FAAP100: variants seen among roughly 807,000 people sequenced by gnomAD.
FAAP100 encodes Fanconi anemia core complex-associated protein 100.
FAAP100 carries 46 observed loss-of-function variants against 65.8 expected under a neutral mutation model. That is an observed-to-expected ratio of 0.70 (90% CI 0.55 to 0.89). The LOEUF is 0.89. Ranked by LOEUF, FAAP100 falls within the 40% of genes least tolerant of loss-of-function variation. The pLI is 0.00. For synonymous variants in FAAP100, 663 were observed against 555.1 expected (o/e 1.19, Z -2.73); for missense variants, 1,165 against 1,196.7 (o/e 0.97, Z 0.39).
At chr17:81,541,707 G>C (rs1306798496) in intron 7 of FAAP100, among the ~76,000 whole-genome samples, 1 of 152,134 alleles carries the variant, frequency 6.6e-6, no homozygotes, top group African/African-American at 2.4e-5. Context: ...CCTGCCTACC[G>C]CCCCCTTCTC....
At chr17:81,551,761 A>G (rs2033503889) in intron 2 of FAAP100, 167 bp downstream of exon 2, 21 of 1,365,588 alleles carry the variant, frequency 1.5e-5, no homozygotes, top group Non-Finnish European at 2.0e-5. Context: ...ACTTGCAGAA[A>G]GAGTGCTGGG....
chr17:81,542,895 G>A (rs1301381681), intron 7 of FAAP100, among the ~76,000 whole-genome samples: 1 of 152,246 alleles, frequency 6.6e-6, no homozygotes, highest in East Asian at 1.9e-4. Flanking sequence ...AGTGGGCAGA[G>A]TTTCCTCTGA....
chr17:81,540,599 G>A lies in FAAP100; in HGVS notation c.*220C>T, dbSNP rs2033051723. The A allele has an allele frequency of 1.8e-6, 1 of 568,994 alleles. No individual in the cohort carries two copies. The highest frequency in any genetic ancestry group is 2.8e-6 in the Non-Finnish European group (1 of 353,642). The allele number at this position is 568,994 out of a possible 1,614,324, so 35.2% of individuals were successfully genotyped here. A position where few individuals can be genotyped will look rare whatever the true frequency, so the allele number is the denominator to read the frequency against. On this transcript the variant is annotated 3_prime_UTR_variant, in exon 9 of 9. Transcript: ENST00000327787. Reference sequence around the variant, plus strand: ...CAGCAGAGGACGCGAAGCTGGACCGGCCAGGTTCAGAGCCCGCCTCGGTTG... The same window carrying A: ...CAGCAGAGGACGCGAAGCTGGACCGACCAGGTTCAGAGCCCGCCTCGGTTG...
At chr17:81,551,777 G>C in intron 2 of FAAP100, 151 bp downstream of exon 2, 5 of 1,377,436 alleles carry the variant, frequency 3.6e-6, no homozygotes, top group Non-Finnish European at 4.7e-6. Context: ...CTGGGGGCAG[G>C]GGCTCCAGAT....
rs548083461 is a variant in FAAP100, at chr17:81,540,766, G to A, written c.*53C>T. The A allele has an allele frequency of 3.2e-5, 46 of 1,459,132 alleles. No individual in the cohort carries two copies. In the Middle Eastern group the frequency reaches 9.2e-4, roughly 29 times the overall value. 90.4% of individuals were successfully genotyped at this position (1,459,132 alleles called of 1,614,324 possible). A position where few individuals can be genotyped will look rare whatever the true frequency, so the allele number is the denominator to read the frequency against. ...CCCTCTAACCCATGAGGCCTGGGGG[G>A]GCTGTGACAGAGGCTGGAAGCGTGG... On this transcript the variant is annotated 3_prime_UTR_variant, in exon 9 of 9. Coordinates refer to ENST00000327787, the MANE Select transcript of FAAP100 (RefSeq NM_025161.6).
In FAAP100 at chr17:81,540,253, GC is replaced by G. The variant is rs944961006; in HGVS notation, c.*565del. ...AGGAGCTCCCTGCATGCTGTTTTGT[GC>G]TTTGGTCTCAGGGAGCACCCTCCTA... On this transcript the variant is annotated 3_prime_UTR_variant, in exon 9 of 9. Transcript: ENST00000327787. The G allele has an allele frequency of 5.0e-6, 2 of 398,946 alleles. No individual in the cohort carries two copies. Among genetic ancestry groups the G allele is most frequent in the Non-Finnish European group, 8.8e-6 (2 of 226,220 alleles). The allele number at this position is 398,946 out of a possible 1,614,324, so 24.7% of individuals were successfully genotyped here. A position where few individuals can be genotyped will look rare whatever the true frequency, so the allele number is the denominator to read the frequency against.
Position 81,549,186 on chromosome 17 carries a change from G to C in FAAP100, c.1403+20C>G. The C allele has an allele frequency of 6.2e-7, 1 of 1,609,988 alleles. No individual in the cohort carries two copies. Among genetic ancestry groups the C allele is most frequent in the Non-Finnish European group, 8.5e-7 (1 of 1,179,602 alleles). ...GGATGGCAGCGCCAGCCTCTACCCG[G>C]TCCGAGCTGAGCTGCTCACCTCTCA... On this transcript the variant is annotated intron_variant, in intron 4 of 8. Coordinates refer to ENST00000327787, the MANE Select transcript of FAAP100 (RefSeq NM_025161.6).
chr17:81,547,217 G>A lies in FAAP100; in HGVS notation c.1865C>T (p.Pro622Leu), dbSNP rs1277913896. The A allele has an allele frequency of 4.5e-6, 7 of 1,571,022 alleles. No individual in the cohort carries two copies. Among genetic ancestry groups the A allele is most frequent in the Non-Finnish European group, 6.1e-6 (7 of 1,156,020 alleles). The change falls in exon 5 of 9, where the codon CCC (proline) becomes CTC (leucine). Residue 622 changes from proline (P) to leucine (L), a missense_variant. Physicochemically the swap from Pro to Leu is moderately conservative, Grantham distance 98. Coordinates refer to ENST00000327787, the MANE Select transcript of FAAP100 (RefSeq NM_025161.6). Reference protein sequence around the residue: ...GALAPSDSEDPFLDECPSDVL... With the variant: ...GALAPSDSEDLFLDECPSDVL... ...GTCGGAGGGGCACTCATCCAGAAAG[G>A]GGTCCTCAGAGTCTGAGGGGGCAAG... is the stretch of plus-strand genomic sequence containing the variant.
chr17:81,542,220 T>C (rs1374617963), intron 7 of FAAP100, among the ~76,000 whole-genome samples: 4 of 96,262 alleles, frequency 4.2e-5, no homozygotes, highest in African/African-American at 2.3e-4. Flanking sequence ...TATATATATA[T>C]ATATATATAT....
intron 7 of FAAP100, among the ~76,000 whole-genome samples, chr17:81,542,900 C>T (rs1012250459): frequency 2.0e-5 from 3 of 152,344 alleles, no homozygotes; most frequent in African/African-American, 7.2e-5. Flanking sequence ...GCAGAGTTTC[C>T]TCTGACAGGC....
Position 81,544,062 on chromosome 17 carries a change from T to C in FAAP100, c.2369A>G (p.Glu790Gly). ...GPIQAVEIQV[E>G]SSSLADICRA... ...GCAAATGTCGGCCAGAGAGGAGCTT[T>C]CCACTTGAATCTCCACGGCCTGGAT... is the stretch of plus-strand genomic sequence containing the variant. Residue 790 changes from glutamate (E) to glycine (G), a missense_variant, in exon 7 of 9, where the codon GAA becomes GGA. Coordinates refer to ENST00000327787, the MANE Select transcript of FAAP100 (RefSeq NM_025161.6). The C allele has an allele frequency of 6.2e-7, 1 of 1,612,644 alleles. No individual in the cohort carries two copies. Among genetic ancestry groups the C allele is most frequent in the African/African-American group, 1.3e-5 (1 of 75,028 alleles).
intron 6 of FAAP100, among the ~76,000 whole-genome samples, chr17:81,544,615 G>A (rs1177507667): frequency 1.3e-5 from 2 of 152,342 alleles, no homozygotes; most frequent in South Asian, 2.1e-4. Flanking sequence ...CTGTCCCTTA[G>A]GAAGGTTGGA....
Position 81,547,631 on chromosome 17 carries a change from G to A in FAAP100, c.1451C>T (p.Thr484Ile), listed in dbSNP as rs780740704. 1 of 1,612,718 alleles carries A rather than the reference G, an allele frequency of 6.2e-7. No homozygotes were observed. Among genetic ancestry groups the A allele is most frequent in the Non-Finnish European group, 8.5e-7 (1 of 1,179,450 alleles). ...KAVDQRNKAL[T>I]SLNEAMNVSC... ...CACGTTCATGGCCTCGTTGAGGCTT[G>A]TCAGTGCCTTGTTCCGCTGGTCAAC... The change falls in exon 5 of 9, where the codon ACA becomes ATA. Residue 484 changes from threonine to isoleucine, a missense_variant. Thr to Ile is a moderately conservative substitution (Grantham distance 89, BLOSUM62 -1). Coordinates refer to ENST00000327787, the MANE Select transcript of FAAP100 (RefSeq NM_025161.6).
intron 7 of FAAP100, among the ~76,000 whole-genome samples, 192 bp downstream of exon 7, chr17:81,543,812 C>T (rs896286824): frequency 6.6e-6 from 1 of 152,164 alleles, no homozygotes; most frequent in Non-Finnish European, 1.5e-5. Flanking sequence ...CTGAGAGGGT[C>T]CACCCCATGC....
At position 81,550,802 on chromosome 17, in the gene FAAP100, G is replaced by A; in HGVS notation, c.692C>T (p.Ala231Val). Residue 231 changes from alanine to valine, a missense_variant, in exon 3 of 9, where the codon GCT becomes GTT. Physicochemically the swap from Ala to Val is moderately conservative, Grantham distance 64. Coordinates refer to ENST00000327787, the MANE Select transcript of FAAP100 (RefSeq NM_025161.6). ...AGGTGACTGCAGGAGGGTGGCATCAGCTCCAAAGAGGAGCCCGAAGAGGGC... is the reference window on the plus strand; with the variant it reads ...AGGTGACTGCAGGAGGGTGGCATCAACTCCAAAGAGGAGCCCGAAGAGGGC... ...EDALFGLLFG[A>V]DATLLQSPVV... 6.2e-7 allele frequency: 1 copy of A among 1,612,706 alleles called. No homozygotes were observed. The highest frequency in any genetic ancestry group is 8.5e-7 in the Non-Finnish European group (1 of 1,179,852).
At position 81,547,571 on chromosome 17, in the gene FAAP100, C is replaced by G. The variant is rs769566868; in HGVS notation, c.1511G>C (p.Arg504Thr). The G allele has an allele frequency of 2.5e-6, 4 of 1,613,374 alleles. No homozygotes were observed. Among genetic ancestry groups the G allele is most frequent in the Non-Finnish European group, 3.4e-6 (4 of 1,179,990 alleles). The change falls in exon 5 of 9, where the codon AGA (arginine) becomes ACA (threonine). Residue 504 changes from arginine to threonine, a missense_variant. By Grantham distance (71) the Arg-to-Thr change is moderately conservative. Transcript: ENST00000327787. ...CALLSSGTGP[R>T]PISCTTSTTW... ...GGTGCTGGTGGTGCAGGAGATGGGT[C>G]TGGGGCCCGTGCCGCTTGACAGCAG...
rs560580160 is a variant in FAAP100 at position 81,546,992 on chromosome 17, C to T, written c.2090G>A (p.Arg697Gln). ...GSQPAGPASL[R>Q]AEYLPPSVAS... ...CACAGATGGGGGCAGGTACTCGGCC[C>T]GCAGGGAGGCGGGTCCTGCTGGCTG... is the stretch of plus-strand genomic sequence containing the variant. The change falls in exon 5 of 9, where the codon CGG becomes CAG. Residue 697 changes from arginine (R) to glutamine (Q), a missense_variant. Transcript: ENST00000327787. 1.7e-5 allele frequency: 26 copies of T among 1,513,348 alleles called. No individual in the cohort carries two copies. Among genetic ancestry groups the T allele is most frequent in the Middle Eastern group, 3.5e-4 (2 of 5,654 alleles). 93.7% of individuals were successfully genotyped at this position (1,513,348 alleles called of 1,614,324 possible). A position where few individuals can be genotyped will look rare whatever the true frequency, so the allele number is the denominator to read the frequency against.
intron 4 of FAAP100, chr17:81,547,927 A>G: frequency 2.8e-6 from 2 of 705,562 alleles, no homozygotes; most frequent in South Asian, 1.5e-5. Flanking sequence ...AGGAGGAAAG[A>G]GGACAGAGGA....
chr17:81,541,184 C>T, intron 8 of FAAP100, 125 bp downstream of exon 8: 1 of 1,208,814 alleles, frequency 8.3e-7, no homozygotes, highest in East Asian at 2.5e-5. Context: ...TTGCCCCAGG[C>T]CCATGGGAGC....
Sources: allele counts gnomAD v4.1 joint callset (sites outside exome capture counted in the v4.1 genomes callset), GRCh38; gene constraint gnomAD v4.1.1; transcripts MANE v1.5; gene names NCBI Gene and HGNC (gene_info 2026-07-23, HGNC 2026-07-21).